GDAP2: variants seen among roughly 807,000 people sequenced by gnomAD.
GDAP2 encodes ganglioside-induced differentiation-associated protein 2.
GDAP2 carries 51 observed loss-of-function variants against 67.0 expected under a neutral mutation model. The observed-to-expected ratio is 0.76, with a 90% CI of 0.61 to 0.96. The LOEUF is 0.96. Among genes scored for constraint, GDAP2 ranks in the 40% least tolerant of loss-of-function variants. The pLI is 0.00. For synonymous variants in GDAP2, 203 were observed against 207.3 expected (o/e 0.98, Z 0.18); for missense variants, 547 against 588.3 (o/e 0.93, Z 0.73).
intron 1 of GDAP2, among the ~76,000 whole-genome samples, chr1:117,928,609 C>T (rs977484629): frequency 7.2e-5 from 11 of 152,202 alleles, no homozygotes; most frequent in African/African-American, 9.6e-5. Context: ...TCTCATCATA[C>T]GCATTCTTTG....
chr1:117,896,065 A>T (rs1167175602), intron 8 of GDAP2, among the ~76,000 whole-genome samples: 1 of 152,160 alleles, frequency 6.6e-6, no homozygotes, highest in African/African-American at 2.4e-5. Flanking sequence ...AAGATAAAAC[A>T]AGCCATGATT....
At chr1:117,887,357 A>G (rs970861645) in intron 9 of GDAP2, among the ~76,000 whole-genome samples, 19 of 152,190 alleles carry the variant, frequency 1.2e-4, no homozygotes, top group African/African-American at 4.6e-4. Flanking sequence ...CAATGCAGAA[A>G]GAGTGGGAAT....
At chr1:117,912,993 G>A (rs1304520472) in intron 3 of GDAP2, among the ~76,000 whole-genome samples, 2 of 152,138 alleles carry the variant, frequency 1.3e-5, no homozygotes, top group African/African-American at 4.8e-5. Context: ...AAACCTAATT[G>A]CTTGCAGAAA....
At chr1:117,922,603 C>T (rs1650295921) in intron 1 of GDAP2, among the ~76,000 whole-genome samples, 1 of 152,180 alleles carries the variant, frequency 6.6e-6, no homozygotes, top group Non-Finnish European at 1.5e-5. Flanking sequence ...GGAGACATCA[C>T]ATGTTGGCAG....
At chr1:117,877,492 T>G (rs769015227) in intron 13 of GDAP2, 12 of 974,812 alleles carry the variant, frequency 1.2e-5, no homozygotes, top group Non-Finnish European at 1.3e-5. Flanking sequence ...CTAGTGCTTA[T>G]GTAACAGATC....
chr1:117,889,369 C>T (rs1333311677), intron 8 of GDAP2, among the ~76,000 whole-genome samples: 1 of 151,782 alleles, frequency 6.6e-6, no homozygotes, highest in East Asian at 1.9e-4. Flanking sequence ...TTCGGGTATA[C>T]AACACATTCT....
chr1:117,906,487 GT>G lies in GDAP2; in HGVS notation c.636+18del. 7.6e-7 allele frequency: 1 copy of G among 1,308,904 alleles called. No homozygotes were observed. Among genetic ancestry groups the G allele is most frequent in the Non-Finnish European group, 1.1e-6 (1 of 916,840 alleles). 81.1% of individuals were successfully genotyped at this position (1,308,904 alleles called of 1,614,324 possible). A position where few individuals can be genotyped will look rare whatever the true frequency, so the allele number is the denominator to read the frequency against. On this transcript the variant is annotated intron_variant, in intron 6 of 13. Coordinates refer to ENST00000369443, the MANE Select transcript of GDAP2 (RefSeq NM_017686.4). The stretch of plus-strand genomic sequence containing the variant: ...AAGATAGAAATAAGATTTAAATAAC[GT>G]AACAGTTAGCAAAATACCTCTTCAA...
In GDAP2 at chr1:117,906,550, C is replaced by T; in HGVS notation, c.592G>A (p.Glu198Lys). Residue 198 changes from glutamate (E) to lysine (K), a missense_variant, in exon 6 of 14, where the codon GAA becomes AAA. By Grantham distance (56) the Glu-to-Lys change is moderately conservative. Coordinates refer to ENST00000369443, the MANE Select transcript of GDAP2 (RefSeq NM_017686.4). ...GCAAATACTACTTTTTCAATGGTTT[C>T]CCCATGAATCTCTAGGAATCTTCTT... is the stretch of plus-strand genomic sequence containing the variant. ...TVRRFLEIHGETIEKVVFAVS... is the reference protein window; with the variant it reads ...TVRRFLEIHGKTIEKVVFAVS... The T allele has an allele frequency of 6.3e-7, 1 of 1,578,290 alleles. No individual in the cohort carries two copies. The highest frequency in any genetic ancestry group is 8.7e-7 in the Non-Finnish European group (1 of 1,150,634).
chr1:117,900,921 G>C (rs969147001), intron 6 of GDAP2, among the ~76,000 whole-genome samples: 3 of 152,066 alleles, frequency 2.0e-5, no homozygotes, highest in Non-Finnish European at 2.9e-5. Context: ...TTAGCAGGGG[G>C]TGGTAGCGGG....
chr1:117,878,296 C>A, intron 12 of GDAP2, 144 bp from the exon 13 acceptor site: 2 of 532,982 alleles, frequency 3.8e-6, no homozygotes, highest in East Asian at 3.0e-5. Context: ...CTGAATTTTG[C>A]AATCATCAGT....
chr1:117,926,589 C>T (rs1650453571), intron 1 of GDAP2, among the ~76,000 whole-genome samples: 1 of 152,150 alleles, frequency 6.6e-6, no homozygotes, highest in South Asian at 2.1e-4. Flanking sequence ...GTTTGAATCT[C>T]TCCTTCCCCT....
At chr1:117,886,985 T>C (rs1226677996) in intron 9 of GDAP2, among the ~76,000 whole-genome samples, 2 of 152,060 alleles carry the variant, frequency 1.3e-5, no homozygotes, top group Non-Finnish European at 2.9e-5. Context: ...TACAGTGGTG[T>C]GATCATAGCT....
chr1:117,900,456 T>G (rs567810721), intron 6 of GDAP2, among the ~76,000 whole-genome samples: 48 of 152,266 alleles, frequency 3.2e-4, no homozygotes, highest in African/African-American at 1.1e-3. Flanking sequence ...ATTTGCCTAT[T>G]TTTGGACATT....
At chr1:117,899,367 AC>A (rs985730587) in intron 6 of GDAP2, 151 bp from the exon 7 acceptor site, 1 of 609,834 alleles carries the variant, frequency 1.6e-6, no homozygotes, top group African/African-American at 1.8e-5. Context: ...ACTGTCTGAA[AC>A]CCTCAATCAG....
intron 12 of GDAP2, among the ~76,000 whole-genome samples, chr1:117,880,325 T>C (rs1648609938): frequency 6.6e-6 from 1 of 152,162 alleles, no homozygotes; most frequent in African/African-American, 2.4e-5. Flanking sequence ...CAACTGTGTT[T>C]AAGGCTGCAG....
rs1416346403 is a variant in GDAP2, at chr1:117,890,904, A to G, written c.954-3130T>C. On this transcript the variant is annotated intron_variant, in intron 8 of 13. Transcript: ENST00000369443. Reference sequence around the variant, plus strand: ...GATTGATTTGGACAATCACAGGTTGAGCATCCCAAATCCAAAAATACAAAA... The same window carrying G: ...GATTGATTTGGACAATCACAGGTTGGGCATCCCAAATCCAAAAATACAAAA... Among the ~76,000 whole-genome samples, 3 of 151,978 alleles carry G rather than the reference A, an allele frequency of 2.0e-5. No individual in the cohort carries two copies. In the East Asian group the frequency reaches 5.8e-4, roughly 29 times the overall value.
intron 3 of GDAP2, 87 bp downstream of exon 3, chr1:117,918,510 T>C: frequency 1.0e-6 from 1 of 957,940 alleles, no homozygotes; most frequent in South Asian, 1.5e-5. Flanking sequence ...ATCTACAAAA[T>C]TTTCCCACAA....
chr1:117,899,219 G>T lies in GDAP2; in HGVS notation c.637-3C>A. On this transcript the variant is annotated splice_region_variant and splice_polypyrimidine_tract_variant and intron_variant, in intron 6 of 13. Transcript: ENST00000369443. ...GGTAGCAGCTTTTGGTAAGTACCCT[G>T]TGTCAGAAAAGCAAGACATTCTGTG... is the stretch of plus-strand genomic sequence containing the variant. 1.2e-6 allele frequency: 2 copies of T among 1,604,892 alleles called. No homozygotes were observed. Among genetic ancestry groups the T allele is most frequent in the Non-Finnish European group, 1.7e-6 (2 of 1,171,670 alleles).
chr1:117,875,808 G>C (rs1454743867), intron 13 of GDAP2, among the ~76,000 whole-genome samples: 1 of 152,142 alleles, frequency 6.6e-6, no homozygotes, highest in Non-Finnish European at 1.5e-5. Flanking sequence ...CTTTCTTTTG[G>C]CCTGTTCCTC....
Sources: gnomAD v4.1 joint callset for allele counts (sites outside exome capture counted in the v4.1 genomes callset) on GRCh38, gnomAD v4.1.1 for gene constraint, MANE v1.5 for transcripts, NCBI Gene and HGNC (gene_info 2026-07-23, HGNC 2026-07-21) for gene names.